The following LUZP2 variants were observed in gnomAD, a reference collection of about 807,000 sequenced individuals.
LUZP2 encodes leucine zipper protein 2.
In LUZP2, 52 loss-of-function variants were observed where a neutral mutation model predicts 51.6. The ratio of observed to expected loss-of-function variants is 1.01; its 90% confidence interval spans 0.81 to 1.27. The LOEUF is 1.27. Among genes scored for constraint, LUZP2 ranks in the 50% most tolerant of loss-of-function variants. The pLI is 0.00. For missense variants in LUZP2, 436 were observed against 395.4 expected (o/e 1.10, Z -0.87); for synonymous variants, 154 against 137.3 (o/e 1.12, Z -0.85).
At chr11:24,946,135 A>G (rs747488399) in intron 7 of LUZP2, among the ~76,000 whole-genome samples, 6 of 152,078 alleles carry the variant, frequency 3.9e-5, no homozygotes, top group Non-Finnish European at 7.4e-5. Flanking sequence ...CATGTTATAT[A>G]TTCATACTTC....
intron 1 of LUZP2, among the ~76,000 whole-genome samples, chr11:24,662,958 C>T (rs1336117548): frequency 6.6e-6 from 1 of 151,742 alleles, no homozygotes; most frequent in African/African-American, 2.4e-5. Context: ...TAAAATGATT[C>T]AGTTGTTTAG....
chr11:24,762,413 G>A (rs911325166), intron 4 of LUZP2, among the ~76,000 whole-genome samples: 2 of 152,096 alleles, frequency 1.3e-5, no homozygotes, highest in African/African-American at 4.8e-5. Flanking sequence ...AATAATCCAT[G>A]TCCAAATAAT....
At chr11:24,689,612 G>C (rs1857005769) in intron 1 of LUZP2, among the ~76,000 whole-genome samples, 1 of 152,096 alleles carries the variant, frequency 6.6e-6, no homozygotes, top group Admixed American at 6.6e-5. Flanking sequence ...ACATTCCTGA[G>C]ACTGGGTGGG....
intron 5 of LUZP2, among the ~76,000 whole-genome samples, chr11:24,844,664 C>T (rs1340319512): frequency 1.3e-5 from 2 of 152,024 alleles, no homozygotes; most frequent in Non-Finnish European, 2.9e-5. Context: ...AGGAGATAAG[C>T]ATGGTTTTGT....
intron 1 of LUZP2, among the ~76,000 whole-genome samples, chr11:24,504,744 A>C (rs538239107): frequency 6.8e-4 from 103 of 152,208 alleles, no homozygotes; most frequent in Non-Finnish European, 1.3e-3. Flanking sequence ...TGAAGTCCTT[A>C]ATTTCATAGT....
chr11:24,872,884 G>A (rs569587962), intron 5 of LUZP2, among the ~76,000 whole-genome samples: 1 of 152,162 alleles, frequency 6.6e-6, no homozygotes, highest in Non-Finnish European at 1.5e-5. Context: ...CATGGTGACA[G>A]CTTGTAAATG....
At chr11:24,829,281 G>C (rs1279763266) in intron 5 of LUZP2, among the ~76,000 whole-genome samples, 2 of 152,100 alleles carry the variant, frequency 1.3e-5, no homozygotes, top group Non-Finnish European at 2.9e-5. Flanking sequence ...CTGGGTGTGG[G>C]CAGGGGTCAT....
At chr11:24,727,860 A>G (rs1035121872) in intron 1 of LUZP2, among the ~76,000 whole-genome samples, 1 of 151,906 alleles carries the variant, frequency 6.6e-6, no homozygotes, top group Non-Finnish European at 1.5e-5. Flanking sequence ...GAAAAAGAAA[A>G]AAATTGTAAT....
At chr11:24,499,329 C>T (rs756846312) in intron 1 of LUZP2, among the ~76,000 whole-genome samples, 18 of 152,136 alleles carry the variant, frequency 1.2e-4, no homozygotes, top group South Asian at 2.1e-4. Flanking sequence ...AAAAGCAATG[C>T]GGTACTATCA....
chr11:24,905,411 C>T (rs1853415679), intron 5 of LUZP2, among the ~76,000 whole-genome samples: 1 of 152,014 alleles, frequency 6.6e-6, no homozygotes, highest in South Asian at 2.1e-4. Context: ...ATCTGTAATC[C>T]CAGCTACCTG....
chr11:25,048,871 A>C (rs1293424206), intron 9 of LUZP2, among the ~76,000 whole-genome samples: 2 of 151,830 alleles, frequency 1.3e-5, no homozygotes, highest in Non-Finnish European at 2.9e-5. Flanking sequence ...AGAGCCCAGC[A>C]TTTGGGTGAC....
intron 1 of LUZP2, among the ~76,000 whole-genome samples, chr11:24,631,638 C>T (rs1416904967): frequency 6.6e-6 from 1 of 151,826 alleles, no homozygotes; most frequent in Non-Finnish European, 1.5e-5. Context: ...CTGTGTTTAT[C>T]AGGGATATCG....
At chr11:25,013,995 T>C (rs10767298) in intron 9 of LUZP2, among the ~76,000 whole-genome samples, 146,823 of 151,968 alleles carry the variant, frequency 0.97, 71,107 homozygotes, top group East Asian at 1. Flanking sequence ...TGAGAACATG[T>C]GGTGTTTGGT....
chr11:24,991,656 T>C (rs966441962), intron 9 of LUZP2, among the ~76,000 whole-genome samples: 7 of 152,034 alleles, frequency 4.6e-5, no homozygotes, highest in Middle Eastern at 3.2e-3. Flanking sequence ...CTGTTTTCCA[T>C]AGTGGTTGTA....
At chr11:24,929,646 C>T (rs1410132496) in intron 7 of LUZP2, among the ~76,000 whole-genome samples, 1 of 152,042 alleles carries the variant, frequency 6.6e-6, no homozygotes, top group African/African-American at 2.4e-5. Flanking sequence ...GTCATATGGT[C>T]TATCTTGGAG....
intron 9 of LUZP2, among the ~76,000 whole-genome samples, chr11:25,021,425 T>TTGTGTGTG (rs3992972): frequency 2.0e-5 from 3 of 149,656 alleles, no homozygotes; most frequent in Non-Finnish European, 3.0e-5. Flanking sequence ...TGCACACAGG[T>TTGTGTGTG]TGTGTGTGTG....
intron 7 of LUZP2, among the ~76,000 whole-genome samples, chr11:24,951,023 A>C (rs1454197977): frequency 6.6e-6 from 1 of 151,624 alleles, no homozygotes. Flanking sequence ...GTCTTCCTTC[A>C]ATAAGAGAGA....
At chr11:24,578,893 C>G (rs1263964326) in intron 1 of LUZP2, among the ~76,000 whole-genome samples, 1 of 152,034 alleles carries the variant, frequency 6.6e-6, no homozygotes, top group Non-Finnish European at 1.5e-5. Context: ...ACCCAGGTAA[C>G]AAACCTGCAC....
intron 1 of LUZP2, among the ~76,000 whole-genome samples, chr11:24,699,249 T>G (rs1857347236): frequency 1.3e-5 from 2 of 152,084 alleles, no homozygotes; most frequent in African/African-American, 4.8e-5. Flanking sequence ...CACCATAAAT[T>G]TTATGTTTGT....
Sources: allele counts gnomAD v4.1 joint callset (sites outside exome capture counted in the v4.1 genomes callset), GRCh38; gene constraint gnomAD v4.1.1; transcripts MANE v1.5; gene names NCBI Gene and HGNC (gene_info 2026-07-23, HGNC 2026-07-21).